Variants in TRIM14 observed in about 807,000 individuals in gnomAD.
The protein encoded by TRIM14 is tripartite motif-containing protein 14.
In TRIM14, 28 loss-of-function variants were observed where a neutral mutation model predicts 44.5. The observed-to-expected ratio is 0.63, with a 90% CI of 0.47 to 0.86. TRIM14 has a LOEUF of 0.86. Among genes scored for constraint, TRIM14 ranks in the 40% least tolerant of loss-of-function variants. The probability of loss-of-function intolerance (pLI) is 0.00; values close to 1 mark genes in which losing one functional copy is unlikely to be tolerated. For missense variants in TRIM14, 607 were observed against 611.1 expected (o/e 0.99, Z 0.07); for synonymous variants, 299 against 269.2 (o/e 1.11, Z -1.08).
intron 6 of TRIM14, among the ~76,000 whole-genome samples, chr9:98,079,225 T>TA (rs2117989091): frequency 6.6e-6 from 1 of 152,362 alleles, no homozygotes; most frequent in South Asian, 2.1e-4. Context: ...CCTTTGTCTC[T>TA]TACTGTCTCA....
intron 5 of TRIM14, among the ~76,000 whole-genome samples, chr9:98,090,748 G>A (rs959028563): frequency 1.4e-4 from 21 of 152,030 alleles, no homozygotes; most frequent in African/African-American, 5.1e-4. Flanking sequence ...ATTTTTAGTG[G>A]AGACAGGGTT....
At chr9:98,055,874 A>G in the TRIM14 span, among the ~76,000 whole-genome samples, 2 of 151,966 alleles carry the variant, frequency 1.3e-5, no homozygotes, top group African/African-American at 4.8e-5. Flanking sequence ...AGTAGCTGGG[A>G]TTACAGGCAC....
downstream of TRIM14, chr9:98,081,316 C>T: frequency 6.9e-6 from 4 of 579,514 alleles, no homozygotes; most frequent in South Asian, 8.3e-5. Flanking sequence ...TCTCTGGCCA[C>T]CTAGGGTCAC....
At chr9:98,068,343 T>C (rs1328908798), downstream of TRIM14, among the ~76,000 whole-genome samples, 1 of 152,066 alleles carries the variant, frequency 6.6e-6, no homozygotes, top group East Asian at 1.9e-4. Context: ...TTTCACCTTG[T>C]TGGTCAGGCT....
At chr9:98,062,907 A>T in the TRIM14 span, among the ~76,000 whole-genome samples, 1 of 146,818 alleles carries the variant, frequency 6.8e-6, no homozygotes, top group Non-Finnish European at 1.5e-5. Flanking sequence ...GTTTAAAATT[A>T]AAAAAAGTTT....
the TRIM14 span, among the ~76,000 whole-genome samples, chr9:98,045,145 T>C: frequency 6.6e-6 from 1 of 151,996 alleles, no homozygotes; most frequent in Non-Finnish European, 1.5e-5. Context: ...ACCTCCGAAC[T>C]AGAAGTAGGA....
intron 6 of TRIM14, chr9:98,074,556 A>C (rs1036703505): frequency 6.6e-6 from 1 of 152,136 alleles, no homozygotes; most frequent in Admixed American, 6.6e-5. Flanking sequence ...CAGTTTTCTA[A>C]ATGTCCACTG....
chr9:98,063,111 G>A, the TRIM14 span, among the ~76,000 whole-genome samples: 782 of 151,440 alleles, frequency 5.2e-3, 4 homozygotes, highest in African/African-American at 0.018. Flanking sequence ...TATTTTTAGT[G>A]GAGACAGGGT....
At chr9:98,057,846 T>A in the TRIM14 span, among the ~76,000 whole-genome samples, 1 of 78,574 alleles carries the variant, frequency 1.3e-5, no homozygotes, top group African/African-American at 4.5e-5. Flanking sequence ...TATTTATTTA[T>A]CTATGTTAGA....
intron 5 of TRIM14, among the ~76,000 whole-genome samples, chr9:98,090,560 CT>C (rs56909266): frequency 0.095 from 11,783 of 124,148 alleles, 1,585 homozygotes; most frequent in African/African-American, 0.32. Context: ...GATTTGTGCA[CT>C]TTTTTTTTTT....
chr9:98,058,698 G>T, the TRIM14 span, among the ~76,000 whole-genome samples: 1 of 152,190 alleles, frequency 6.6e-6, no homozygotes, highest in South Asian at 2.1e-4. Context: ...GGCTGAGGAA[G>T]GCAGATTGCT....
intron 4 of TRIM14, among the ~76,000 whole-genome samples, chr9:98,093,238 C>T (rs1235964065): frequency 6.6e-6 from 1 of 152,166 alleles, no homozygotes; most frequent in African/African-American, 2.4e-5. Flanking sequence ...ATTGCTGCTC[C>T]TTCGATATGG....
chr9:98,100,724 A>G (rs1027450452), intron 2 of TRIM14, among the ~76,000 whole-genome samples: 5 of 152,202 alleles, frequency 3.3e-5, no homozygotes, highest in Non-Finnish European at 5.9e-5. Flanking sequence ...AAGAGCTTTT[A>G]AAAGAACTCA....
chr9:98,046,194 C>T, the TRIM14 span, among the ~76,000 whole-genome samples: 1 of 152,048 alleles, frequency 6.6e-6, no homozygotes, highest in African/African-American at 2.4e-5. Context: ...GAGAGCAAAC[C>T]CAATATCCTA....
chr9:98,054,269 G>A, the TRIM14 span, among the ~76,000 whole-genome samples: 1 of 152,026 alleles, frequency 6.6e-6, no homozygotes, highest in Non-Finnish European at 1.5e-5. Context: ...AAGACAAGAC[G>A]GACAGAAGGC....
the TRIM14 span, among the ~76,000 whole-genome samples, chr9:98,058,998 G>A: frequency 1.5e-4 from 23 of 151,964 alleles, 1 homozygote. Flanking sequence ...AGTGATCTCA[G>A]CACTGACATT....
intron 4 of TRIM14, chr9:98,092,441 C>G: frequency 2.9e-6 from 1 of 349,238 alleles, no homozygotes; most frequent in Non-Finnish European, 5.8e-6. Context: ...CCACACCCTT[C>G]CCCCCTTGCC....
chr9:98,088,132 G>T, intron 5 of TRIM14, 127 bp from the exon 6 acceptor site: 1 of 1,105,864 alleles, frequency 9.0e-7, no homozygotes, highest in Non-Finnish European at 1.2e-6. Flanking sequence ...AGGAAGGGGT[G>T]ACAGACCCCT....
chr9:98,042,700 T>C, the TRIM14 span, among the ~76,000 whole-genome samples: 1 of 152,046 alleles, frequency 6.6e-6, no homozygotes, highest in Non-Finnish European at 1.5e-5. Context: ...TGAAACCCCG[T>C]CTCTACTAAA....
Sources: gnomAD v4.1 joint callset for allele counts (sites outside exome capture counted in the v4.1 genomes callset) on GRCh38, gnomAD v4.1.1 for gene constraint, MANE v1.5 for transcripts, NCBI Gene and HGNC (gene_info 2026-07-23, HGNC 2026-07-21) for gene names.